Variants in CTNNA3 observed in about 807,000 individuals in gnomAD.
CTNNA3 encodes the protein catenin alpha 3.
A neutral mutation model predicts 95.7 loss-of-function variants in CTNNA3; 76 were observed. The observed-to-expected ratio is 0.79, with a 90% CI of 0.66 to 0.96. CTNNA3 has a LOEUF of 0.96. Ranked by LOEUF, CTNNA3 falls within the 40% of genes least tolerant of loss-of-function variation. The pLI is 0.00. For missense variants in CTNNA3, 1,191 were observed against 1,089.8 expected (o/e 1.09, Z -1.31); for synonymous variants, 431 against 374.4 (o/e 1.15, Z -1.74).
chr10:66,778,752 G>A (rs549434532), intron 7 of CTNNA3, among the ~76,000 whole-genome samples: 15 of 152,232 alleles, frequency 9.9e-5, no homozygotes, highest in African/African-American at 3.6e-4. Context: ...AAGGCAGGTG[G>A]ATCACCTGAG....
chr10:66,025,091 G>T (rs943648412), intron 15 of CTNNA3, among the ~76,000 whole-genome samples: 2 of 152,164 alleles, frequency 1.3e-5, no homozygotes, highest in African/African-American at 4.8e-5. Context: ...CTGCAAGAAT[G>T]CTTATTTTAA....
intron 15 of CTNNA3, among the ~76,000 whole-genome samples, chr10:66,008,362 T>C (rs935359744): frequency 6.6e-6 from 1 of 152,206 alleles, no homozygotes; most frequent in African/African-American, 2.4e-5. Context: ...GAAAAAAATA[T>C]GACATTTTCC....
intron 7 of CTNNA3, among the ~76,000 whole-genome samples, chr10:66,974,820 A>G (rs1849938380): frequency 6.6e-6 from 1 of 151,240 alleles, no homozygotes; most frequent in Non-Finnish European, 1.5e-5. Context: ...TTTTTTCTGA[A>G]GTGTCTGTTG....
chr10:67,572,741 T>C (rs1432411519), intron 3 of CTNNA3, among the ~76,000 whole-genome samples: 1 of 152,184 alleles, frequency 6.6e-6, no homozygotes, highest in African/African-American at 2.4e-5. Flanking sequence ...TCAATAATTT[T>C]GATTTCTCTT....
At chr10:66,022,095 C>G (rs1344774510) in intron 15 of CTNNA3, among the ~76,000 whole-genome samples, 1 of 151,908 alleles carries the variant, frequency 6.6e-6, no homozygotes, top group African/African-American at 2.4e-5. Context: ...TGGGCTCAAA[C>G]AATCTTCCTG....
intron 17 of CTNNA3, among the ~76,000 whole-genome samples, chr10:65,941,680 A>T (rs149494555): frequency 6.6e-4 from 100 of 152,276 alleles, no homozygotes; most frequent in African/African-American, 2.2e-3. Context: ...AGTTCCACTG[A>T]CTGCTCCCTC....
rs897751337 is a variant in CTNNA3, at chr10:67,560,507, C to A, written c.293-20838G>T. On this transcript the variant is annotated intron_variant, in intron 3 of 17. Transcript: ENST00000433211. ...AGGAAGCACTAAACATGGAAAGGAACAACCGGTACCAGCTACTGCAAAAAC... is the reference window on the plus strand; with the variant it reads ...AGGAAGCACTAAACATGGAAAGGAAAAACCGGTACCAGCTACTGCAAAAAC... Among the ~76,000 whole-genome samples the A allele has an allele frequency of 3.9e-5, 6 of 152,172 alleles. No individual in the cohort carries two copies. The East Asian group carries it at 5.8e-4, about 15-fold the overall frequency.
intron 8 of CTNNA3, among the ~76,000 whole-genome samples, chr10:66,774,041 TA>T (rs1181763129): frequency 7.9e-5 from 12 of 152,224 alleles, no homozygotes; most frequent in African/African-American, 2.9e-4. Context: ...CTAAATCTGG[TA>T]ATTCCACACA....
chr10:66,063,223 T>TATAG (rs34448730), intron 15 of CTNNA3, among the ~76,000 whole-genome samples: 5,101 of 117,542 alleles, frequency 0.043, 232 homozygotes, highest in African/African-American at 0.15. Context: ...TAGATATAGA[T>TATAG]ATAGATAGAT....
At chr10:66,609,490 A>G (rs1353214269) in intron 10 of CTNNA3, among the ~76,000 whole-genome samples, 1 of 151,486 alleles carries the variant, frequency 6.6e-6, no homozygotes, top group African/African-American at 2.4e-5. Context: ...TGGCCAAAAA[A>G]ATATGCAAAA....
chr10:66,433,481 T>G (rs1385651404), intron 11 of CTNNA3, among the ~76,000 whole-genome samples: 1 of 152,218 alleles, frequency 6.6e-6, no homozygotes, highest in Non-Finnish European at 1.5e-5. Flanking sequence ...TTTGCCCACT[T>G]TTTGATGGGG....
chr10:67,177,027 G>A (rs1862275617), intron 7 of CTNNA3: 1 of 464,584 alleles, frequency 2.2e-6, no homozygotes, highest in East Asian at 6.3e-5. Flanking sequence ...CTAAGTGTGT[G>A]GTAATTTGTT....
intron 13 of CTNNA3, among the ~76,000 whole-genome samples, chr10:66,174,913 T>C (rs2085627829): frequency 6.6e-6 from 1 of 152,156 alleles, no homozygotes; most frequent in African/African-American, 2.4e-5. Context: ...CCCGTGAATT[T>C]AAGTGATTTG....
intron 11 of CTNNA3, 159 bp downstream of exon 11, chr10:66,520,458 G>T: frequency 1.9e-6 from 1 of 525,568 alleles, no homozygotes; most frequent in South Asian, 2.8e-5. Context: ...CATCATGTTG[G>T]CCAGGCTGGT....
At chr10:66,864,855 C>A (rs1844101472) in intron 7 of CTNNA3, among the ~76,000 whole-genome samples, 1 of 151,892 alleles carries the variant, frequency 6.6e-6, no homozygotes, top group South Asian at 2.1e-4. Flanking sequence ...CATATATATT[C>A]TTTTTATGCC....
intron 9 of CTNNA3, among the ~76,000 whole-genome samples, chr10:66,692,209 C>T (rs1184360165): frequency 6.6e-6 from 1 of 152,014 alleles, no homozygotes; most frequent in Non-Finnish European, 1.5e-5. Flanking sequence ...AAGTTGAAAA[C>T]TTTGAAAAAA....
At chr10:67,457,303 C>T (rs777107228) in intron 5 of CTNNA3, among the ~76,000 whole-genome samples, 1 of 152,086 alleles carries the variant, frequency 6.6e-6, no homozygotes, top group Non-Finnish European at 1.5e-5. Context: ...TAGAATGGCC[C>T]ACTAAGACAG....
chr10:66,691,387 G>C (rs1235154440), intron 9 of CTNNA3, among the ~76,000 whole-genome samples: 4 of 152,190 alleles, frequency 2.6e-5, no homozygotes. Flanking sequence ...CAAACTGCGA[G>C]GCAGCAGCGA....
intron 11 of CTNNA3, among the ~76,000 whole-genome samples, chr10:66,447,688 A>G (rs1237548318): frequency 5.3e-5 from 8 of 152,326 alleles, no homozygotes; most frequent in African/African-American, 1.9e-4. Flanking sequence ...GATGGATTAA[A>G]GACTTAACAT....
Sources: allele counts gnomAD v4.1 joint callset (sites outside exome capture counted in the v4.1 genomes callset), GRCh38; gene constraint gnomAD v4.1.1; transcripts MANE v1.5; gene names NCBI Gene and HGNC (gene_info 2026-07-23, HGNC 2026-07-21).